SLIT3: variants seen among roughly 807,000 people sequenced by gnomAD.
The protein encoded by SLIT3 is slit guidance ligand 3.
A neutral mutation model predicts 184.0 loss-of-function variants in SLIT3; 68 were observed. The observed-to-expected ratio is 0.37, with a 90% CI of 0.30 to 0.45. The LOEUF is 0.45. Ranked by LOEUF, SLIT3 falls within the 20% of genes least tolerant of loss-of-function variation. The probability of loss-of-function intolerance (pLI) is 1.00; values close to 1 mark genes in which losing one functional copy is unlikely to be tolerated. For synonymous variants in SLIT3, 831 were observed against 828.6 expected (o/e 1.00, Z -0.05); for missense variants, 1,707 against 2,026.0 (o/e 0.84, Z 3.02).
intron 4 of SLIT3, among the ~76,000 whole-genome samples, chr5:169,148,269 C>T (rs1014990443): frequency 1.5e-4 from 23 of 152,126 alleles, no homozygotes; most frequent in Non-Finnish European, 2.5e-4. Flanking sequence ...ATGCCGGGCC[C>T]GTATTTAACC....
intron 9 of SLIT3, among the ~76,000 whole-genome samples, chr5:168,798,313 G>T (rs1474831030): frequency 6.8e-6 from 1 of 147,976 alleles, no homozygotes; most frequent in African/African-American, 2.5e-5. Context: ...AACCTTGAAC[G>T]CCTGGGCTCA....
At chr5:169,179,212 G>GA (rs1019892231) in intron 4 of SLIT3, among the ~76,000 whole-genome samples, 20 of 140,662 alleles carry the variant, frequency 1.4e-4, no homozygotes, top group Admixed American at 2.1e-4. Context: ...CTCAGATCAA[G>GA]AAAAAAAAAT....
chr5:169,222,333 C>T (rs1764641282), intron 3 of SLIT3, among the ~76,000 whole-genome samples: 2 of 152,098 alleles, frequency 1.3e-5, no homozygotes, highest in South Asian at 4.2e-4. Flanking sequence ...CATGAAAATA[C>T]TATGCTGGCT....
chr5:168,713,883 G>A (rs1387413290), intron 23 of SLIT3, among the ~76,000 whole-genome samples: 1 of 152,194 alleles, frequency 6.6e-6, no homozygotes, highest in Non-Finnish European at 1.5e-5. Context: ...TGATGCTGAC[G>A]CCAGTAGCAA....
intron 12 of SLIT3, among the ~76,000 whole-genome samples, chr5:168,777,252 T>C (rs1460285689): frequency 6.6e-6 from 1 of 152,164 alleles, no homozygotes; most frequent in Non-Finnish European, 1.5e-5. Flanking sequence ...TTTGCCACAG[T>C]CCTCACTATT....
intron 12 of SLIT3, among the ~76,000 whole-genome samples, chr5:168,777,105 A>AC (rs66712485): frequency 4.0e-4 from 2 of 4,980 alleles, no homozygotes; most frequent in South Asian, 0.014. Flanking sequence ...ACACACACAC[A>AC]CCCCCCATAC....
chr5:168,708,369 A>G (rs946468960), intron 25 of SLIT3: 2 of 524,464 alleles, frequency 3.8e-6, no homozygotes, highest in African/African-American at 3.8e-5. Context: ...GCCTGATCCG[A>G]TTTTGGTGCT....
At chr5:169,137,325 C>CAGAG (rs1376695419) in intron 4 of SLIT3, among the ~76,000 whole-genome samples, 1 of 100,758 alleles carries the variant, frequency 9.9e-6, no homozygotes, top group Non-Finnish European at 2.1e-5. Context: ...CACACACACA[C>CAGAG]ACACACACAC....
chr5:168,774,206 C>T (rs747661949), intron 13 of SLIT3, 29 bp downstream of exon 13: 1 of 1,569,678 alleles, frequency 6.4e-7, no homozygotes, highest in Admixed American at 1.9e-5. Flanking sequence ...TGCTTGGGCA[C>T]CCACTGGCAC....
intron 1 of SLIT3, among the ~76,000 whole-genome samples, chr5:169,254,790 C>T (rs902998243): frequency 7.2e-5 from 11 of 152,202 alleles, no homozygotes; most frequent in Non-Finnish European, 1.3e-4. Flanking sequence ...TGAGTCTTTC[C>T]AGCCCAGAGG....
intron 4 of SLIT3, among the ~76,000 whole-genome samples, chr5:168,906,329 A>G (rs1581198351): frequency 6.6e-6 from 1 of 152,208 alleles, no homozygotes; most frequent in Admixed American, 6.5e-5. Context: ...ATCACAGGCA[A>G]TTTATTGGGA....
At chr5:168,755,652 TCTCCAA>T (rs1754921470) in intron 16 of SLIT3, among the ~76,000 whole-genome samples, 1 of 152,030 alleles carries the variant, frequency 6.6e-6, no homozygotes, top group South Asian at 2.1e-4. Context: ...GCCAGGCTGG[TCTCCAA>T]CTCCAGACCT....
At chr5:169,251,959 C>T (rs1430103184) in intron 1 of SLIT3, among the ~76,000 whole-genome samples, 1 of 152,202 alleles carries the variant, frequency 6.6e-6, no homozygotes, top group Non-Finnish European at 1.5e-5. Flanking sequence ...AAACAGTGAG[C>T]AGATGGTGCT....
chr5:168,736,570 G>C (rs974207610), intron 20 of SLIT3, among the ~76,000 whole-genome samples: 1 of 152,186 alleles, frequency 6.6e-6, no homozygotes, highest in East Asian at 1.9e-4. Context: ...GCTAGAGAAG[G>C]CCCAGCTGTC....
chr5:169,245,441 A>T (rs887420789), intron 2 of SLIT3, among the ~76,000 whole-genome samples: 2 of 152,034 alleles, frequency 1.3e-5, no homozygotes, highest in Non-Finnish European at 2.9e-5. Flanking sequence ...AATTTAGCAT[A>T]TAATGAAATG....
chr5:168,868,524 C>A (rs149184261), intron 5 of SLIT3, among the ~76,000 whole-genome samples: 1 of 151,954 alleles, frequency 6.6e-6, no homozygotes, highest in Admixed American at 6.6e-5. Flanking sequence ...ACAAAGGGGG[C>A]GGATCACGAG....
intron 3 of SLIT3, among the ~76,000 whole-genome samples, chr5:169,219,958 G>A (rs150976133): frequency 1.3e-5 from 2 of 152,256 alleles, no homozygotes; most frequent in East Asian, 3.9e-4. Context: ...AATCAGACAT[G>A]GATACCGTGA....
intron 4 of SLIT3, among the ~76,000 whole-genome samples, chr5:169,107,528 C>A (rs1427146517): frequency 6.6e-6 from 1 of 152,196 alleles, no homozygotes. Flanking sequence ...TAGATTTCTG[C>A]GTGGTGATAA....
At chr5:169,029,947 T>A (rs1268244632) in intron 4 of SLIT3, among the ~76,000 whole-genome samples, 1 of 152,214 alleles carries the variant, frequency 6.6e-6, no homozygotes, top group African/African-American at 2.4e-5. Flanking sequence ...GAGATCCTTT[T>A]AACACATTCT....
Sources: allele counts gnomAD v4.1 joint callset (sites outside exome capture counted in the v4.1 genomes callset), GRCh38; gene constraint gnomAD v4.1.1; transcripts MANE v1.5; gene names NCBI Gene and HGNC (gene_info 2026-07-23, HGNC 2026-07-21).